ACTR8: variants seen among roughly 807,000 people sequenced by gnomAD.
ACTR8 encodes the protein actin-related protein 8.
ACTR8 carries 70 observed loss-of-function variants against 84.3 expected under a neutral mutation model. The ratio of observed to expected loss-of-function variants is 0.83; its 90% confidence interval spans 0.68 to 1.01. ACTR8 has a LOEUF of 1.01. ACTR8 is among the 50% of genes least tolerant of loss of function. ACTR8 has a pLI of 0.00. For synonymous variants in ACTR8, 268 were observed against 275.2 expected, an observed-to-expected ratio of 0.97 and a Z score of 0.26; for missense variants, 672 against 775.4, an observed-to-expected ratio of 0.87 and a Z score of 1.58.
chr3:53,869,525 T>C (rs1699852379), intron 12 of ACTR8, among the ~76,000 whole-genome samples: 1 of 152,228 alleles, frequency 6.6e-6, no homozygotes, highest in South Asian at 2.1e-4. Context: ...CCAGGAATTG[T>C]CAGTGAGATT....
chr3:53,876,947 ATG>A (rs1428246705), intron 5 of ACTR8, among the ~76,000 whole-genome samples: 1 of 151,972 alleles, frequency 6.6e-6, no homozygotes, highest in African/African-American at 2.4e-5. Context: ...AAGACAACTG[ATG>A]TGTCAGTAAG....
chr3:53,865,362 G>A, downstream of ACTR8: 8 of 1,396,966 alleles, frequency 5.7e-6, no homozygotes, highest in Admixed American at 6.5e-5. Context: ...CCAATTACAG[G>A]GAAAAAACGT....
At chr3:53,877,800 G>A (rs754138232) in intron 3 of ACTR8, 49 bp from the exon 4 acceptor site, 19 of 1,498,366 alleles carry the variant, frequency 1.3e-5, no homozygotes, top group Admixed American at 1.2e-4. Flanking sequence ...TCAAGGCGGG[G>A]GCAACATAAG....
rs911129617 is a variant in ACTR8, at chr3:53,870,653, A to T, written c.1568-508T>A. Reference sequence around the variant, plus strand: ...GCAATGGAGTGAGACTCTGAAAAATAAATAAATAAAATCTTTAAAGGGACC... The same window carrying T: ...GCAATGGAGTGAGACTCTGAAAAATTAATAAATAAAATCTTTAAAGGGACC... On this transcript the variant is annotated intron_variant, in intron 11 of 12. Transcript: ENST00000335754. This position sits in a 1 kb window ranked among gnomAD's most constrained non-coding sequence, Gnocchi z 4.1. 1.1e-5 allele frequency among the ~76,000 whole-genome samples: 1 copy of T among 89,746 alleles called. No homozygotes were observed. Among genetic ancestry groups the T allele is most frequent in the Non-Finnish European group, 3.0e-5 (1 of 33,042 alleles). 58.9% of individuals were successfully genotyped at this position (89,746 alleles called of 152,430 possible).
chr3:53,872,077 G>C (rs753858060), intron 10 of ACTR8, among the ~76,000 whole-genome samples: 2 of 152,172 alleles, frequency 1.3e-5, no homozygotes, highest in Non-Finnish European at 2.9e-5. Context: ...TAACAGGTGA[G>C]ATTTTAATGA....
rs748326470 is a variant in ACTR8, at chr3:53,867,184, G to GAAAC, written c.*1531_*1534dup. ...CTTGGACCAGAAACCAACTTCCTTT[G>GAAAC]AAACAGCTCTACCAGTTATAAGAGC... On this transcript the variant is annotated 3_prime_UTR_variant, in exon 13 of 13. Coordinates refer to ENST00000335754, the MANE Select transcript of ACTR8 (RefSeq NM_022899.5). 11 of 152,192 alleles carry GAAAC rather than the reference G, an allele frequency of 7.2e-5. No homozygotes were observed. Among genetic ancestry groups the GAAAC allele is most frequent in the Non-Finnish European group, 1.3e-4 (9 of 68,028 alleles). 9.4% of individuals were successfully genotyped at this position (152,192 alleles called of 1,614,324 possible).
At chr3:53,869,197 C>T (rs958916048) in intron 12 of ACTR8, among the ~76,000 whole-genome samples, 4 of 152,202 alleles carry the variant, frequency 2.6e-5, no homozygotes, top group Non-Finnish European at 5.9e-5. Flanking sequence ...AGGAGAATGG[C>T]GTGAACCCGG....
intron 5 of ACTR8, 53 bp from the exon 6 acceptor site, chr3:53,876,766 A>C: frequency 1.1e-6 from 1 of 924,038 alleles, no homozygotes; most frequent in Non-Finnish European, 1.7e-6. Context: ...AGTCAGGTCA[A>C]ATTCACACTC....
At chr3:53,861,449 C>T in the ACTR8 span, 1 of 152,194 alleles carries the variant, frequency 6.6e-6, no homozygotes, top group Non-Finnish European at 1.5e-5. Context: ...GCCATCACTA[C>T]AGCTACACCA....
In ACTR8 at chr3:53,871,390, TC is replaced by T; in HGVS notation, c.1408del (p.Glu470ArgfsTer2). On this transcript the variant is annotated frameshift_variant, in exon 11 of 13. Transcript: ENST00000335754. LOFTEE classifies it high-confidence loss of function. Reference sequence around the variant, plus strand: ...TCCCTGTGCAGACCCCAAATCTACCTCCTGGGAATGGAGTCTTTCTGGAAGA... The same window carrying T: ...TCCCTGTGCAGACCCCAAATCTACCTCTGGGAATGGAGTCTTTCTGGAAGA... ...SDLPERLHSQ[E>X]VDLGSAQGDG... 6.2e-7 allele frequency: 1 copy of T among 1,614,200 alleles called. No individual in the cohort carries two copies.
Position 53,870,336 on chromosome 3 carries a change from C to G in ACTR8, c.1568-191G>C. On this transcript the variant is annotated intron_variant, in intron 11 of 12. Transcript: ENST00000335754. The surrounding 1 kb of genome is among the most constrained non-coding windows in gnomAD (Gnocchi z 4.1). ...GGCATGTTGCCACGCCACCGCAATC[C>G]TACTTGCAGGATTAGGATCAAAATC... 3.2e-6 allele frequency: 2 copies of G among 621,986 alleles called. No individual in the cohort carries two copies. The highest frequency in any genetic ancestry group is 5.6e-5 in the East Asian group (2 of 35,916). 38.5% of individuals were successfully genotyped at this position (621,986 alleles called of 1,614,324 possible). A position where few individuals can be genotyped will look rare whatever the true frequency, so the allele number is the denominator to read the frequency against.
chr3:53,876,472 T>C (rs1186222880), intron 6 of ACTR8, 148 bp downstream of exon 6: 1 of 595,558 alleles, frequency 1.7e-6, no homozygotes, highest in Middle Eastern at 4.8e-4. Flanking sequence ...TGAGCTGAGA[T>C]AGCGCCACTG....
chr3:53,866,521 A>T (rs946789740), downstream of ACTR8, among the ~76,000 whole-genome samples: 2 of 151,756 alleles, frequency 1.3e-5, no homozygotes, highest in African/African-American at 4.8e-5. Flanking sequence ...TCACTCTGTC[A>T]CCCAGGCTGG....
chr3:53,863,243 TAGG>T (rs952196920), downstream of ACTR8, among the ~76,000 whole-genome samples: 2 of 152,192 alleles, frequency 1.3e-5, no homozygotes, highest in Middle Eastern at 3.2e-3. Context: ...TCAAAGGTTA[TAGG>T]AGATTTTCAA....
At position 53,870,225 on chromosome 3, in the gene ACTR8, GA is replaced by G. The variant is rs896501971; in HGVS notation, c.1568-81del. 15 of 1,513,784 alleles carry G rather than the reference GA, an allele frequency of 9.9e-6. No homozygotes were observed. The highest frequency in any genetic ancestry group is 1.4e-5 in the Non-Finnish European group (15 of 1,110,702). 93.8% of individuals were successfully genotyped at this position (1,513,784 alleles called of 1,614,324 possible). ...GCCAAGCCACCAACACCTCTTGCTTGAGCAAGTGCAATAGCCTTCTCAAAGA... is the reference window on the plus strand; with the variant it reads ...GCCAAGCCACCAACACCTCTTGCTTGGCAAGTGCAATAGCCTTCTCAAAGA... On this transcript the variant is annotated intron_variant, in intron 11 of 12. Coordinates refer to ENST00000335754, the MANE Select transcript of ACTR8 (RefSeq NM_022899.5). This position sits in a 1 kb window ranked among gnomAD's most constrained non-coding sequence, Gnocchi z 4.1.
chr3:53,868,610 C>A lies in ACTR8; in HGVS notation c.*109G>T. 6.8e-7 allele frequency: 1 copy of A among 1,472,568 alleles called. No individual in the cohort carries two copies. The highest frequency in any genetic ancestry group is 2.3e-5 in the East Asian group (1 of 42,702). The allele number at this position is 1,472,568 out of a possible 1,614,324, so 91.2% of individuals were successfully genotyped here. On this transcript the variant is annotated 3_prime_UTR_variant, in exon 13 of 13. Coordinates refer to ENST00000335754, the MANE Select transcript of ACTR8 (RefSeq NM_022899.5). ...ATAAAGTTCAAATTCATTTACTGTCCATGACACTTAAGCATCCAGATCAAT... is the reference window on the plus strand; with the variant it reads ...ATAAAGTTCAAATTCATTTACTGTCAATGACACTTAAGCATCCAGATCAAT...
intron 1 of ACTR8, among the ~76,000 whole-genome samples, chr3:53,881,256 G>A (rs566250193): frequency 3.0e-4 from 46 of 152,326 alleles, no homozygotes; most frequent in African/African-American, 1.0e-3. Flanking sequence ...TTTCTGAGCA[G>A]TTTATGCCTC....
At position 53,867,175 on chromosome 3, in the gene ACTR8, A is replaced by T. The variant is rs1283036151; in HGVS notation, c.*1544T>A. ...AGGTCAAAACTTGGACCAGAAACCA[A>T]CTTCCTTTGAAACAGCTCTACCAGT... On this transcript the variant is annotated 3_prime_UTR_variant, in exon 13 of 13. Coordinates refer to ENST00000335754, the MANE Select transcript of ACTR8 (RefSeq NM_022899.5). 1 of 152,254 alleles carries T rather than the reference A, an allele frequency of 6.6e-6. No individual in the cohort carries two copies. Among genetic ancestry groups the T allele is most frequent in the Non-Finnish European group, 1.5e-5 (1 of 68,040 alleles). 9.4% of individuals were successfully genotyped at this position (152,254 alleles called of 1,614,324 possible). A position where few individuals can be genotyped will look rare whatever the true frequency, so the allele number is the denominator to read the frequency against.
the ACTR8 span, among the ~76,000 whole-genome samples, chr3:53,861,732 T>C: frequency 6.6e-6 from 1 of 152,188 alleles, no homozygotes; most frequent in South Asian, 2.1e-4. Context: ...AAGCAGCTTC[T>C]GCTGACCAAG....
Sources: allele counts gnomAD v4.1 joint callset (sites outside exome capture counted in the v4.1 genomes callset), GRCh38; gene constraint gnomAD v4.1.1; non-coding constraint Gnocchi (gnomAD v3.1); transcripts MANE v1.5; gene names NCBI Gene and HGNC (gene_info 2026-07-23, HGNC 2026-07-21).